Variants in TIAM1 observed in about 807,000 individuals in gnomAD.
The protein encoded by TIAM1 is TIAM Rac1 associated GEF 1, also known as rho guanine nucleotide exchange factor TIAM1.
Under a neutral mutation model 163.5 loss-of-function variants are expected in TIAM1, and 65 were observed. The observed-to-expected ratio is 0.40, with a 90% confidence interval of 0.33 to 0.49. The LOEUF (loss-of-function observed/expected upper bound fraction) is 0.49. Among genes scored for constraint, TIAM1 ranks in the 20% least tolerant of loss-of-function variants. The pLI is 0.77. For synonymous variants in TIAM1, 833 were observed against 810.1 expected (o/e 1.03, Z -0.48); for missense variants, 1,789 against 2,044.7 (o/e 0.87, Z 2.41).
At chr21:31,343,597 C>A (rs1479680704) in intron 1 of TIAM1, among the ~76,000 whole-genome samples, 2 of 152,130 alleles carry the variant, frequency 1.3e-5, no homozygotes, top group Non-Finnish European at 2.9e-5. Context: ...TTCCGACGTC[C>A]CACTCCAGAA....
rs372186239 is a variant in TIAM1, at chr21:31,545,012, C to CA, written c.-422+13914dup. ...TGGGTGACAGAGTGAGACTCCGTCTCAAAAAAAAAAGATATGTCAAAACCT... is the reference window on the plus strand; with the variant it reads ...TGGGTGACAGAGTGAGACTCCGTCTCAAAAAAAAAAAGATATGTCAAAACCT... On this transcript the variant is annotated intron_variant, in intron 1 of 28. Coordinates refer to the TIAM1 transcript ENST00000286827. Among the ~76,000 whole-genome samples, 69 of 147,524 alleles carry CA rather than the reference C, an allele frequency of 4.7e-4. No homozygotes were observed. The East Asian group carries it at 6.1e-3, about 13-fold the overall frequency.
At chr21:31,332,289 T>C (rs1009757782) in intron 2 of TIAM1, among the ~76,000 whole-genome samples, 7 of 152,166 alleles carry the variant, frequency 4.6e-5, no homozygotes, top group East Asian at 1.9e-4. Flanking sequence ...TGCAGCACTA[T>C]CAAGCTAAAA....
intron 9 of TIAM1, among the ~76,000 whole-genome samples, chr21:31,216,332 A>G (rs540417834): frequency 1.3e-5 from 2 of 152,302 alleles, no homozygotes; most frequent in East Asian, 1.9e-4. Context: ...CTATCAAGTC[A>G]GTCGATGACG....
chr21:31,182,572 T>C lies in TIAM1; in HGVS notation c.2736A>G (p.Lys912=). 2 of 1,614,136 alleles carry C rather than the reference T, an allele frequency of 1.2e-6. No individual in the cohort carries two copies. Among genetic ancestry groups the C allele is most frequent in the Non-Finnish European group, 1.7e-6 (2 of 1,179,986 alleles). ...CCAGCGAGGGCTGTGAGAGGAAATC[T>C]TTGAGCATAGAAGAGTTCAGGGCGT... is the stretch of plus-strand genomic sequence containing the variant. ...AADALNSSML[K]DFLSQPSLGL... The change falls in exon 15 of 28, where the codon AAA becomes AAG. Residue 912 remains lysine (K), a synonymous_variant. Transcript: ENST00000541036.
intron 6 of TIAM1, among the ~76,000 whole-genome samples, chr21:31,242,966 T>C (rs2071275744): frequency 6.6e-6 from 1 of 150,614 alleles, no homozygotes; most frequent in African/African-American, 2.4e-5. Context: ...GCAGGTGGAT[T>C]ACCTGAGGTC....
At chr21:31,506,871 C>T (rs148888041) in intron 1 of TIAM1, among the ~76,000 whole-genome samples, 1 of 152,108 alleles carries the variant, frequency 6.6e-6, no homozygotes, top group Non-Finnish European at 1.5e-5. Context: ...GAGCCGAGAT[C>T]GTGCCACTAT....
At chr21:31,186,343 A>T (rs960126177) in intron 14 of TIAM1, among the ~76,000 whole-genome samples, 1 of 152,234 alleles carries the variant, frequency 6.6e-6, no homozygotes, top group Non-Finnish European at 1.5e-5. Flanking sequence ...AGCCAATGTC[A>T]GCTTTGACCA....
At chr21:31,423,377 C>T (rs1171145900) in intron 2 of TIAM1, among the ~76,000 whole-genome samples, 3 of 152,006 alleles carry the variant, frequency 2.0e-5, no homozygotes, top group Non-Finnish European at 2.9e-5. Flanking sequence ...GGATTACAGG[C>T]GTGAGCCACC....
intron 12 of TIAM1, among the ~76,000 whole-genome samples, chr21:31,201,531 T>C (rs935936948): frequency 6.6e-6 from 1 of 152,164 alleles, no homozygotes; most frequent in African/African-American, 2.4e-5. Flanking sequence ...GAAACAAGAC[T>C]GTATACATTT....
chr21:31,179,658 G>A (rs1252353791), intron 15 of TIAM1, among the ~76,000 whole-genome samples: 2 of 152,016 alleles, frequency 1.3e-5, no homozygotes, highest in Admixed American at 6.6e-5. Flanking sequence ...TGAGCGGTCT[G>A]AAGGAGGTAA....
rs1326883719 is a variant in TIAM1, at chr21:31,228,237, A to T, written c.1585-2287T>A. On this transcript the variant is annotated intron_variant, in intron 6 of 27. Coordinates refer to ENST00000541036, the MANE Select transcript of TIAM1 (RefSeq NM_001353694.2). Reference sequence around the variant, plus strand: ...CCTTTTTTTAAAAAAAAAAAAAAAAAAAAAAAAAAAAAAAAAAAAAAAGGA... The same window carrying T: ...CCTTTTTTTAAAAAAAAAAAAAAAATAAAAAAAAAAAAAAAAAAAAAAGGA... 5.4e-3 allele frequency among the ~76,000 whole-genome samples: 257 copies of T among 47,672 alleles called. 7 individuals carry two copies. Among genetic ancestry groups the T allele is most frequent in the Non-Finnish European group, 0.013 (206 of 15,280 alleles). The allele number at this position is 47,672 out of a possible 152,430, so 31.3% of individuals were successfully genotyped here.
chr21:31,337,500 TTTATTATTATTATTGTTGTTATTA>T (rs1370496955), intron 2 of TIAM1, among the ~76,000 whole-genome samples: 2 of 124,932 alleles, frequency 1.6e-5, no homozygotes, highest in Non-Finnish European at 3.4e-5. Context: ...AATTGTTGTT[TTTATTATTATTATTGTTGTTATTA>T]TTATTATTAT....
At chr21:31,503,441 AGAAG>A (rs1431156615) in intron 1 of TIAM1, among the ~76,000 whole-genome samples, 68 of 84,764 alleles carry the variant, frequency 8.0e-4, no homozygotes, top group African/African-American at 3.4e-3. Context: ...GAGGAAGGAA[AGAAG>A]GAAGGAAGGA....
intron 1 of TIAM1, among the ~76,000 whole-genome samples, chr21:31,538,391 T>C (rs1194371016): frequency 1.3e-5 from 2 of 152,150 alleles, no homozygotes; most frequent in African/African-American, 4.8e-5. Context: ...AAAAATTTTT[T>C]AAATAGCCGG....
At chr21:31,326,972 A>G (rs1344498358) in intron 2 of TIAM1, among the ~76,000 whole-genome samples, 1 of 152,238 alleles carries the variant, frequency 6.6e-6, no homozygotes, top group East Asian at 1.9e-4. Flanking sequence ...TCAGGTTTGC[A>G]TTTTTGAAAA....
At chr21:31,333,051 T>A (rs970780623) in intron 2 of TIAM1, among the ~76,000 whole-genome samples, 6 of 152,142 alleles carry the variant, frequency 3.9e-5, no homozygotes, top group African/African-American at 1.4e-4. Flanking sequence ...CTGGGCAACA[T>A]GGCAAGACCC....
At position 31,120,303 on chromosome 21, in the gene TIAM1, A is replaced by C; in HGVS notation, c.*65T>G. 1 of 1,478,480 alleles carries C rather than the reference A, an allele frequency of 6.8e-7. No homozygotes were observed. The highest frequency in any genetic ancestry group is 9.1e-7 in the Non-Finnish European group (1 of 1,094,370). 91.6% of individuals were successfully genotyped at this position (1,478,480 alleles called of 1,614,324 possible). ...AAGGGGACATTCTTGTCGACGGTAC[A>C]GGAGGGTGGGCAGAGTTAGGGCAGG... On this transcript the variant is annotated 3_prime_UTR_variant, in exon 28 of 28. Coordinates refer to ENST00000541036, the MANE Select transcript of TIAM1 (RefSeq NM_001353694.2). This position sits in a 1 kb window ranked among gnomAD's most constrained non-coding sequence, Gnocchi z 4.2.
At chr21:31,247,201 C>T (rs780257733) in intron 5 of TIAM1, among the ~76,000 whole-genome samples, 23 of 151,824 alleles carry the variant, frequency 1.5e-4, no homozygotes, top group Non-Finnish European at 3.4e-4. Flanking sequence ...GTTCCAGCGA[C>T]TCAGGTGGCT....
chr21:31,214,108 C>G (rs2087038266), intron 9 of TIAM1, among the ~76,000 whole-genome samples: 2 of 151,734 alleles, frequency 1.3e-5, no homozygotes, highest in African/African-American at 4.8e-5. Flanking sequence ...GAGGATTGCT[C>G]CAGCCCAGGA....
Sources: gnomAD v4.1 joint callset for allele counts (sites outside exome capture counted in the v4.1 genomes callset) on GRCh38, gnomAD v4.1.1 for gene constraint, Gnocchi (gnomAD v3.1) non-coding constraint, MANE v1.5 for transcripts, NCBI Gene and HGNC (gene_info 2026-07-23, HGNC 2026-07-21) for gene names.